The following REDIC1 variants were observed in gnomAD, a reference collection of about 807,000 sequenced individuals.
The protein encoded by REDIC1 is HEI10 Interacting Protein 1.
chr12:39,646,511 A>G, the REDIC1 span: 2 of 1,486,526 alleles, frequency 1.3e-6, no homozygotes, highest in Non-Finnish European at 1.8e-6. Context: ...CTGGTTATTA[A>G]CAACACTTTT....
chr12:39,636,671 C>T, the REDIC1 span, among the ~76,000 whole-genome samples: 3 of 151,974 alleles, frequency 2.0e-5, no homozygotes, highest in African/African-American at 7.2e-5. Flanking sequence ...AAGAGCTTAA[C>T]AGTCTGGAGC....
chr12:39,673,535 C>T, the REDIC1 span, among the ~76,000 whole-genome samples: 1 of 152,144 alleles, frequency 6.6e-6, no homozygotes, highest in Non-Finnish European at 1.5e-5. Context: ...ACTTTATAGC[C>T]CTAGGTCATA....
At chr12:39,700,897 G>T in the REDIC1 span, among the ~76,000 whole-genome samples, 1 of 151,994 alleles carries the variant, frequency 6.6e-6, no homozygotes, top group African/African-American at 2.4e-5. Context: ...GAGAGATTTT[G>T]TCACCACCAG....
chr12:39,785,074 C>T, the REDIC1 span, among the ~76,000 whole-genome samples: 4 of 152,240 alleles, frequency 2.6e-5, no homozygotes, highest in African/African-American at 7.2e-5. Flanking sequence ...AAATTCAAGC[C>T]GGCTGCAGAA....
the REDIC1 span, among the ~76,000 whole-genome samples, chr12:39,702,071 G>T: frequency 6.6e-6 from 1 of 152,000 alleles, no homozygotes; most frequent in Non-Finnish European, 1.5e-5. Context: ...CTAGCGGAAG[G>T]CAAGAAATAA....
At chr12:39,845,955 T>A in the REDIC1 span, among the ~76,000 whole-genome samples, 2 of 152,132 alleles carry the variant, frequency 1.3e-5, no homozygotes, top group Non-Finnish European at 2.9e-5. Flanking sequence ...GACTTCATTT[T>A]CTCATATGAT....
chr12:39,723,599 C>T, the REDIC1 span, among the ~76,000 whole-genome samples: 1 of 151,784 alleles, frequency 6.6e-6, no homozygotes, highest in Non-Finnish European at 1.5e-5. Context: ...GTTTATAAAG[C>T]AGAGTAAATC....
chr12:39,718,234 C>T, the REDIC1 span, among the ~76,000 whole-genome samples: 1 of 152,016 alleles, frequency 6.6e-6, no homozygotes, highest in Non-Finnish European at 1.5e-5. Flanking sequence ...GTATAATGAA[C>T]CTTAAAGGTC....
chr12:39,846,458 T>C, the REDIC1 span, among the ~76,000 whole-genome samples: 1 of 152,170 alleles, frequency 6.6e-6, no homozygotes, highest in East Asian at 1.9e-4. Flanking sequence ...CTTAACTTCT[T>C]CATTTTTATT....
At chr12:39,710,797 C>A in the REDIC1 span, among the ~76,000 whole-genome samples, 1 of 151,772 alleles carries the variant, frequency 6.6e-6, no homozygotes, top group South Asian at 2.1e-4. Context: ...TTACAAGGTT[C>A]TGAACACTTT....
At chr12:39,801,998 T>A in the REDIC1 span, among the ~76,000 whole-genome samples, 3 of 152,086 alleles carry the variant, frequency 2.0e-5, no homozygotes, top group African/African-American at 7.2e-5. Context: ...AGCCAATGAA[T>A]AAGTAAGCAA....
chr12:39,749,615 A>T, the REDIC1 span, among the ~76,000 whole-genome samples: 8 of 151,896 alleles, frequency 5.3e-5, no homozygotes, highest in Admixed American at 2.0e-4. Flanking sequence ...GAGACACAAC[A>T]TAAGAGAATT....
chr12:39,706,850 C>G, the REDIC1 span, among the ~76,000 whole-genome samples: 1 of 151,942 alleles, frequency 6.6e-6, no homozygotes, highest in African/African-American at 2.4e-5. Context: ...ATACAAAAAT[C>G]AAATCAAAAT....
chr12:39,863,106 G>A, the REDIC1 span, among the ~76,000 whole-genome samples: 6 of 152,002 alleles, frequency 3.9e-5, no homozygotes, highest in Admixed American at 1.3e-4. Context: ...CTAAAATTTG[G>A]TTCTATCTTC....
At chr12:39,852,809 C>T in the REDIC1 span, among the ~76,000 whole-genome samples, 1 of 152,312 alleles carries the variant, frequency 6.6e-6, no homozygotes, top group Admixed American at 6.5e-5. Flanking sequence ...ACCTCGTCTT[C>T]ATTTGCATAG....
chr12:39,853,175 A>C, the REDIC1 span, among the ~76,000 whole-genome samples: 1 of 152,146 alleles, frequency 6.6e-6, no homozygotes, highest in Admixed American at 6.6e-5. Flanking sequence ...TTACGCTCAC[A>C]AAGAATGGTG....
the REDIC1 span, among the ~76,000 whole-genome samples, chr12:39,773,270 T>G: frequency 6.6e-6 from 1 of 152,172 alleles, no homozygotes; most frequent in Non-Finnish European, 1.5e-5. Context: ...CAGAATTGCA[T>G]GCAATCAGGT....
At chr12:39,741,366 A>G in the REDIC1 span, among the ~76,000 whole-genome samples, 1 of 152,202 alleles carries the variant, frequency 6.6e-6, no homozygotes, top group African/African-American at 2.4e-5. Context: ...ATAGACTTCA[A>G]CCAACCTGAG....
At chr12:39,740,793 T>C in the REDIC1 span, among the ~76,000 whole-genome samples, 1 of 152,214 alleles carries the variant, frequency 6.6e-6, no homozygotes, top group Non-Finnish European at 1.5e-5. Flanking sequence ...TTTTTCTTGC[T>C]TCCCAGAATT....
Sources: gnomAD v4.1 joint callset for allele counts (sites outside exome capture counted in the v4.1 genomes callset) on GRCh38, gnomAD v4.1.1 for gene constraint, MANE v1.5 for transcripts, NCBI Gene and HGNC (gene_info 2026-07-23, HGNC 2026-07-21) for gene names.